RRM2B: variants seen among roughly 807,000 people sequenced by gnomAD.
RRM2B encodes ribonucleoside-diphosphate reductase subunit M2 B.
A neutral mutation model predicts 45.9 loss-of-function variants in RRM2B; 20 were observed. The observed-to-expected ratio is 0.44, with a 90% confidence interval of 0.31 to 0.63. RRM2B has a LOEUF of 0.63. Ranked by LOEUF, RRM2B falls within the 30% of genes least tolerant of loss-of-function variation. RRM2B has a pLI of 0.09. For missense variants in RRM2B, 320 were observed against 414.7 expected (o/e 0.77, Z 1.98); for synonymous variants, 124 against 132.3 (o/e 0.94, Z 0.43).
At chr8:102,232,003 A>T in intron 2 of RRM2B, 146 bp downstream of exon 2, 1 of 772,930 alleles carries the variant, frequency 1.3e-6, no homozygotes, top group South Asian at 1.6e-5. Flanking sequence ...CATTGAGAAC[A>T]TCATATTTAG....
chr8:102,223,688 TCC>T (rs1231234459), intron 5 of RRM2B, among the ~76,000 whole-genome samples: 1 of 110,898 alleles, frequency 9.0e-6, no homozygotes, highest in African/African-American at 3.8e-5. Context: ...AGAGCGAGAC[TCC>T]GTCTCAAAAA....
At position 102,224,983 on chromosome 8, in the gene RRM2B, C is replaced by T; in HGVS notation, c.357G>A (p.Glu119=). 1 of 1,614,152 alleles carries T rather than the reference C, an allele frequency of 6.2e-7. No individual in the cohort carries two copies. Among genetic ancestry groups the T allele is most frequent in the Non-Finnish European group, 8.5e-7 (1 of 1,180,018 alleles). The stretch of plus-strand genomic sequence containing the variant: ...TTTGAAAGCCATAGAAACAGCGAGC[C>T]TCTGGAACCTGCACCTCCTGACTAA... The part of the protein sequence containing the change: ...ERFSQEVQVP[E]ARCFYGFQIL... Residue 119 remains glutamate, a synonymous_variant, in exon 4 of 9, where the codon GAG becomes GAA. Coordinates refer to ENST00000251810, the MANE Select transcript of RRM2B (RefSeq NM_015713.5).
In RRM2B at chr8:102,238,953, T is replaced by C. The variant is rs1175695730; in HGVS notation, c.-79A>G. 2 of 1,401,370 alleles carry C rather than the reference T, an allele frequency of 1.4e-6. No homozygotes were observed. The highest frequency in any genetic ancestry group is 2.0e-6 in the Non-Finnish European group (2 of 1,013,524). The allele number at this position is 1,401,370 out of a possible 1,614,324, so 86.8% of individuals were successfully genotyped here. ...ACCTCCAACTACGACAGCACCCAGG[T>C]GGTCCGCTGGTCCGCTGGGTCCGCC... On this transcript the variant is annotated 5_prime_UTR_variant, in exon 1 of 9. Transcript: ENST00000251810.
In RRM2B at chr8:102,208,056, A is replaced by C; in HGVS notation, c.*77T>G. ...CCCAGTCCTTTAAAGGATATACTTAAAATTTTTTTTAAGCAGAGGAAAATA... is the reference window on the plus strand; with the variant it reads ...CCCAGTCCTTTAAAGGATATACTTACAATTTTTTTTAAGCAGAGGAAAATA... On this transcript the variant is annotated 3_prime_UTR_variant, in exon 9 of 9. Coordinates refer to ENST00000251810, the MANE Select transcript of RRM2B (RefSeq NM_015713.5). 3.1e-6 allele frequency: 4 copies of C among 1,299,010 alleles called. No homozygotes were observed. Among genetic ancestry groups the C allele is most frequent in the Non-Finnish European group, 4.4e-6 (4 of 909,398 alleles). The allele number at this position is 1,299,010 out of a possible 1,614,324, so 80.5% of individuals were successfully genotyped here.
chr8:102,205,163 A>C lies in RRM2B; in HGVS notation c.*2970T>G, dbSNP rs1157302261. On this transcript the variant is annotated 3_prime_UTR_variant, in exon 9 of 9. Transcript: ENST00000251810. Reference sequence around the variant, plus strand: ...TGTAGGATTAATTTGGCTTTTATTTAGCCCATCTGCAGCTTTATCATTAAA... The same window carrying C: ...TGTAGGATTAATTTGGCTTTTATTTCGCCCATCTGCAGCTTTATCATTAAA... The C allele has an allele frequency of 6.6e-6, 1 of 152,204 alleles. No homozygotes were observed. The highest frequency in any genetic ancestry group is 6.5e-5 in the Admixed American group (1 of 15,276). The allele number at this position is 152,204 out of a possible 1,614,324, so 9.4% of individuals were successfully genotyped here. A position where few individuals can be genotyped will look rare whatever the true frequency, so the allele number is the denominator to read the frequency against.
Position 102,232,232 on chromosome 8 carries a change from G to A in RRM2B, c.121C>T (p.Arg41Trp), listed in dbSNP as rs515726181. 2 of 1,613,986 alleles carry A rather than the reference G, an allele frequency of 1.2e-6. No homozygotes were observed. The highest frequency in any genetic ancestry group is 1.7e-6 in the Non-Finnish European group (2 of 1,179,850). The change falls in exon 2 of 9, where the codon CGG becomes TGG. Residue 41 changes from arginine (R) to tryptophan (W), a missense_variant. Arg to Trp is a moderately radical substitution (Grantham distance 101). This residue lies in a region of RRM2B where 225 missense variants were observed against 289.4 expected (regional missense o/e 0.78). Transcript: ENST00000251810. Reference protein sequence around the residue: ...EEPLLRKSSRRFVIFPIQYPD... With the variant: ...EEPLLRKSSRWFVIFPIQYPD... Reference sequence around the variant, plus strand: ...TACTGGATTGGAAAGATGACAAACCGGCGAGAACTCTTTCTTAGGAGTGGC... The same window carrying A: ...TACTGGATTGGAAAGATGACAAACCAGCGAGAACTCTTTCTTAGGAGTGGC...
At chr8:102,232,869 T>C (rs1334743003) in intron 1 of RRM2B, among the ~76,000 whole-genome samples, 1 of 152,220 alleles carries the variant, frequency 6.6e-6, no homozygotes, top group African/African-American at 2.4e-5. Context: ...ATACTCCAAT[T>C]TGTTACTGCT....
At chr8:102,227,778 G>A (rs925356886) in intron 2 of RRM2B, among the ~76,000 whole-genome samples, 1 of 152,180 alleles carries the variant, frequency 6.6e-6, no homozygotes, top group Non-Finnish European at 1.5e-5. Context: ...CCCTCTTACT[G>A]ATTTACAGAT....
chr8:102,212,974 T>G (rs929564585), intron 7 of RRM2B, 85 bp from the exon 8 acceptor site: 9 of 753,708 alleles, frequency 1.2e-5, no homozygotes, highest in African/African-American at 3.5e-5. Context: ...TTCGTTTTAT[T>G]TCTAAGACTG....
chr8:102,232,271 T>C lies in RRM2B; in HGVS notation c.82A>G (p.Lys28Glu). Residue 28 changes from lysine (K) to glutamate (E), a missense_variant, in exon 2 of 9, where the codon AAG becomes GAG. Around this residue, in one of 3 missense-constraint regions of RRM2B, gnomAD observed 48 missense variants for 35.3 expected, o/e 1.36. Transcript: ENST00000251810. Reference protein sequence around the residue: ...SSSDTNESEIKSNEEPLLRKS... With the variant: ...SSSDTNESEIESNEEPLLRKS... ...CTTAGGAGTGGCTCTTCATTTGACT[T>C]TATTTCACTTTCGTTGGTGTCTGAA... 4.3e-6 allele frequency: 7 copies of C among 1,614,182 alleles called. No individual in the cohort carries two copies. The highest frequency in any genetic ancestry group is 5.1e-6 in the Non-Finnish European group (6 of 1,180,002).
chr8:102,221,457 C>G (rs28928583), intron 5 of RRM2B, among the ~76,000 whole-genome samples: 5,353 of 152,248 alleles, frequency 0.035, 163 homozygotes, highest in Admixed American at 0.085. Flanking sequence ...ACTTCCTCAG[C>G]TGGTTAAAGG....
intron 7 of RRM2B, among the ~76,000 whole-genome samples, chr8:102,213,126 A>G (rs184659599): frequency 2.0e-5 from 3 of 152,276 alleles, no homozygotes; most frequent in East Asian, 3.9e-4. Flanking sequence ...CGAACTACCA[A>G]ATTACTGGAT....
At chr8:102,223,048 C>T (rs28928578) in intron 5 of RRM2B, among the ~76,000 whole-genome samples, 21 of 152,190 alleles carry the variant, frequency 1.4e-4, no homozygotes, top group African/African-American at 5.1e-4. Context: ...AATTTTGAGA[C>T]TTGCTTCCTC....
intron 1 of RRM2B, among the ~76,000 whole-genome samples, chr8:102,232,635 G>C (rs1811052848): frequency 6.6e-6 from 1 of 152,164 alleles, no homozygotes; most frequent in South Asian, 2.1e-4. Flanking sequence ...CTAGTTTGAG[G>C]ATAAGTACAA....
intron 5 of RRM2B, among the ~76,000 whole-genome samples, chr8:102,220,833 T>A (rs1445061752): frequency 6.6e-6 from 1 of 152,210 alleles, no homozygotes; most frequent in Non-Finnish European, 1.5e-5. Context: ...TGGAGAAGAT[T>A]AAAGGATTAT....
chr8:102,219,090 A>G, intron 5 of RRM2B, 143 bp from the exon 6 acceptor site: 1 of 844,646 alleles, frequency 1.2e-6, no homozygotes, highest in Admixed American at 2.3e-5. Context: ...AAAGATCTCC[A>G]TAGGAGAAAA....
At chr8:102,226,841 G>A (rs1220648581) in intron 2 of RRM2B, among the ~76,000 whole-genome samples, 1 of 152,002 alleles carries the variant, frequency 6.6e-6, no homozygotes, top group Non-Finnish European at 1.5e-5. Flanking sequence ...AGCCTCCCGA[G>A]TAGCTGGGAC....
Position 102,224,076 on chromosome 8 carries a change from G to A in RRM2B, c.520C>T (p.Arg174Ter), listed in dbSNP as rs863224191. 1.3e-5 allele frequency: 21 copies of A among 1,613,136 alleles called. No individual in the cohort carries two copies. The highest frequency in any genetic ancestry group is 1.2e-5 in the Non-Finnish European group (14 of 1,179,234). Residue 174 changes from arginine to a stop codon, truncating the protein, a stop_gained, in exon 5 of 9, where the codon CGA (arginine) becomes TGA (stop). Coordinates refer to ENST00000251810, the MANE Select transcript of RRM2B (RefSeq NM_015713.5). LOFTEE classifies it high-confidence loss of function. ...YVKKKADWAL[R>*]WIADRKSTFG... Reference sequence around the variant, plus strand: ...GTAGATTTTCTATCTGCTATCCATCGCAAGGCCCAATCTGCTTTTTTCTTA... The same window carrying A: ...GTAGATTTTCTATCTGCTATCCATCACAAGGCCCAATCTGCTTTTTTCTTA...
intron 1 of RRM2B, chr8:102,234,743 G>A (rs941197118): frequency 6.5e-5 from 10 of 153,222 alleles, no homozygotes; most frequent in African/African-American, 1.7e-4. Flanking sequence ...CCAGCTACTC[G>A]GGAGGCTGAG....
Sources: allele counts gnomAD v4.1 joint callset (sites outside exome capture counted in the v4.1 genomes callset), GRCh38; gene constraint gnomAD v4.1.1; regional missense constraint gnomAD v4.1.1; transcripts MANE v1.5; gene names NCBI Gene and HGNC (gene_info 2026-07-23, HGNC 2026-07-21).